The following LPCAT2 variants were observed in gnomAD, a reference collection of about 807,000 sequenced individuals.
LPCAT2 encodes 1-AGP acyltransferase 11.
A neutral mutation model predicts 64.7 loss-of-function variants in LPCAT2; 58 were observed. That is an observed-to-expected ratio of 0.90 (90% CI 0.73 to 1.12). The LOEUF is 1.12. LPCAT2 is among the 50% of genes most tolerant of loss of function. The pLI, the probability that LPCAT2 is intolerant of heterozygous loss-of-function variation, is 0.00. For missense variants in LPCAT2, 579 were observed against 669.8 expected, an observed-to-expected ratio of 0.86 and a Z score of 1.50; for synonymous variants, 252 against 245.3, an observed-to-expected ratio of 1.03 and a Z score of -0.26.
intron 4 of LPCAT2, among the ~76,000 whole-genome samples, chr16:55,530,574 A>G (rs532679984): frequency 3.3e-5 from 5 of 152,222 alleles, no homozygotes; most frequent in African/African-American, 9.6e-5. Context: ...GTTGAAAACA[A>G]CTCATCTCTA....
At chr16:55,552,853 G>A (rs1248833576) in intron 11 of LPCAT2, among the ~76,000 whole-genome samples, 1 of 127,294 alleles carries the variant, frequency 7.9e-6, no homozygotes, top group Non-Finnish European at 1.6e-5. Context: ...CAGGATGGTA[G>A]TTGCTGAAGG....
At chr16:55,576,105 A>C (rs1436870792) in intron 12 of LPCAT2, among the ~76,000 whole-genome samples, 4 of 152,112 alleles carry the variant, frequency 2.6e-5, no homozygotes, top group Non-Finnish European at 5.9e-5. Flanking sequence ...ATTTGAAAGA[A>C]GCTGTGAGAT....
chr16:55,566,719 C>G, intron 11 of LPCAT2: 1 of 1,568,582 alleles, frequency 6.4e-7, no homozygotes, highest in Non-Finnish European at 8.6e-7. Context: ...CATACCATCT[C>G]TAAGATTGCT....
intron 11 of LPCAT2, among the ~76,000 whole-genome samples, chr16:55,562,184 A>G (rs1963643943): frequency 6.6e-6 from 1 of 151,962 alleles, no homozygotes. Flanking sequence ...CACTCCTAGC[A>G]ATAGAGTCTC....
intron 11 of LPCAT2, among the ~76,000 whole-genome samples, chr16:55,562,313 T>C (rs1963645490): frequency 6.6e-6 from 1 of 151,946 alleles, no homozygotes; most frequent in African/African-American, 2.4e-5. Context: ...ACTCAGCCTG[T>C]AGTCAGGCCT....
At chr16:55,554,696 G>C (rs546912394) in intron 11 of LPCAT2, among the ~76,000 whole-genome samples, 69 of 152,214 alleles carry the variant, frequency 4.5e-4, no homozygotes, top group Non-Finnish European at 9.4e-4. Flanking sequence ...TGATGCAAGA[G>C]ACCTAGCTTT....
chr16:55,529,117 G>A (rs1457793657), intron 3 of LPCAT2, among the ~76,000 whole-genome samples: 3 of 152,094 alleles, frequency 2.0e-5, no homozygotes, highest in African/African-American at 4.8e-5. Context: ...AAATAATGAC[G>A]CAAGTGAAGT....
chr16:55,540,324 T>C (rs1006147198), intron 8 of LPCAT2: 1 of 152,192 alleles, frequency 6.6e-6, no homozygotes, highest in African/African-American at 2.4e-5. Context: ...CTACTAAAAG[T>C]TATTCTTTGA....
intron 1 of LPCAT2, among the ~76,000 whole-genome samples, chr16:55,517,823 A>G (rs1376801326): frequency 6.6e-6 from 1 of 152,214 alleles, no homozygotes; most frequent in African/African-American, 2.4e-5. Context: ...TCAGCCTTAT[A>G]AAGGGCATCT....
intron 11 of LPCAT2, among the ~76,000 whole-genome samples, chr16:55,558,551 T>C (rs1484516811): frequency 6.6e-6 from 1 of 152,234 alleles, no homozygotes; most frequent in Non-Finnish European, 1.5e-5. Context: ...CATCTCAAGA[T>C]GCATTCATCT....
At chr16:55,550,438 T>C (rs1386979518) in intron 10 of LPCAT2, among the ~76,000 whole-genome samples, 1 of 152,218 alleles carries the variant, frequency 6.6e-6, no homozygotes. Flanking sequence ...AGAATTGTTA[T>C]TTCATCTTTA....
chr16:55,531,327 C>T lies in LPCAT2; in HGVS notation c.643-587C>T, dbSNP rs139581934. 2.9e-3 allele frequency among the ~76,000 whole-genome samples: 441 copies of T among 152,172 alleles called. 3 individuals carry two copies. Among genetic ancestry groups the T allele is most frequent in the Non-Finnish European group, 4.6e-3 (315 of 67,992 alleles). Reference sequence around the variant, plus strand: ...CTATTTTACTTAATGGGGAAACTAACGTACTGCATATCTTTTACTTTGAAA... The same window carrying T: ...CTATTTTACTTAATGGGGAAACTAATGTACTGCATATCTTTTACTTTGAAA... On this transcript the variant is annotated intron_variant, in intron 4 of 13. Coordinates refer to ENST00000262134, the MANE Select transcript of LPCAT2 (RefSeq NM_017839.5).
intron 2 of LPCAT2, among the ~76,000 whole-genome samples, chr16:55,527,823 A>G (rs1963194065): frequency 6.6e-6 from 1 of 152,236 alleles, no homozygotes; most frequent in African/African-American, 2.4e-5. Flanking sequence ...TAAAAACTGT[A>G]ACAATACGGA....
intron 8 of LPCAT2, among the ~76,000 whole-genome samples, chr16:55,544,765 A>G (rs1240453589): frequency 6.6e-6 from 1 of 151,814 alleles, no homozygotes; most frequent in African/African-American, 2.4e-5. Flanking sequence ...ATCCTTTCCT[A>G]CCTCTTGCTC....
rs144432562 is a variant in LPCAT2 at position 55,541,913 on chromosome 16, C to T, written c.853-3822C>T. 283 of 1,283,972 alleles carry T rather than the reference C, an allele frequency of 2.2e-4. 4 individuals are homozygous for T. The East Asian group carries it at 0.014, about 63-fold the overall frequency. 79.5% of individuals were successfully genotyped at this position (1,283,972 alleles called of 1,614,324 possible). A position where few individuals can be genotyped will look rare whatever the true frequency, so the allele number is the denominator to read the frequency against. On this transcript the variant is annotated intron_variant, in intron 8 of 13. Coordinates refer to ENST00000262134, the MANE Select transcript of LPCAT2 (RefSeq NM_017839.5). ...TTCCTTCTTTTGCATTTTTTCTCTT[C>T]GAAGATTTAAAAGAAGAATTACACA...
chr16:55,534,302 C>G, intron 6 of LPCAT2, 141 bp from the exon 7 acceptor site: 1 of 593,202 alleles, frequency 1.7e-6, no homozygotes, highest in Non-Finnish European at 3.0e-6. Flanking sequence ...TGTTCTTTAA[C>G]AATAATGTAT....
chr16:55,562,548 T>TAC (rs1279512017), intron 11 of LPCAT2, among the ~76,000 whole-genome samples: 1 of 151,728 alleles, frequency 6.6e-6, no homozygotes, highest in East Asian at 1.9e-4. Context: ...AACATATATA[T>TAC]ACAAATATAA....
chr16:55,559,334 T>C (rs940351177), intron 11 of LPCAT2, among the ~76,000 whole-genome samples: 4 of 152,244 alleles, frequency 2.6e-5, no homozygotes, highest in Non-Finnish European at 5.9e-5. Flanking sequence ...TTTAGCACTT[T>C]GGCAATCCAG....
intron 6 of LPCAT2, among the ~76,000 whole-genome samples, chr16:55,533,837 T>A (rs1223274378): frequency 6.6e-6 from 1 of 152,184 alleles, no homozygotes; most frequent in African/African-American, 2.4e-5. Context: ...TTTGAGGGAA[T>A]GTTTTGGTTC....
Sources: gnomAD v4.1 joint callset for allele counts (sites outside exome capture counted in the v4.1 genomes callset) on GRCh38, gnomAD v4.1.1 for gene constraint, MANE v1.5 for transcripts, NCBI Gene and HGNC (gene_info 2026-07-23, HGNC 2026-07-21) for gene names.